Variants in TMEM132E observed in about 807,000 individuals in gnomAD.
TMEM132E encodes transmembrane protein 132E.
Under a neutral mutation model 78.5 loss-of-function variants are expected in TMEM132E, and 49 were observed. The observed-to-expected ratio is 0.62, with a 90% CI of 0.50 to 0.79. The LOEUF (loss-of-function observed/expected upper bound fraction) is 0.79. Among genes scored for constraint, TMEM132E ranks in the 30% least tolerant of loss-of-function variants. The probability of loss-of-function intolerance (pLI) is 0.00; values close to 1 mark genes in which losing one functional copy is unlikely to be tolerated. For missense variants in TMEM132E, 1,403 were observed against 1,470.9 expected (o/e 0.95, Z 0.75); for synonymous variants, 715 against 670.6 (o/e 1.07, Z -1.02).
At chr17:34,615,968 G>A (rs952272785) in intron 1 of TMEM132E, among the ~76,000 whole-genome samples, 3 of 152,164 alleles carry the variant, frequency 2.0e-5, no homozygotes, top group Non-Finnish European at 4.4e-5. Flanking sequence ...AGTGAAAAAG[G>A]GGCTATTCTC....
At chr17:34,616,720 G>C (rs1906791923) in intron 1 of TMEM132E, among the ~76,000 whole-genome samples, 1 of 152,112 alleles carries the variant, frequency 6.6e-6, no homozygotes, top group African/African-American at 2.4e-5. Flanking sequence ...ACAGGGCTGG[G>C]GATGGGGTGG....
intron 1 of TMEM132E, among the ~76,000 whole-genome samples, chr17:34,606,621 C>T (rs775534407): frequency 2.0e-5 from 3 of 152,170 alleles, no homozygotes; most frequent in African/African-American, 4.8e-5. Context: ...AGTCCCTGGA[C>T]GAGGGCTGTT....
intron 5 of TMEM132E, 37 bp from the exon 6 acceptor site, chr17:34,632,667 T>C (rs1053422150): frequency 1.2e-6 from 2 of 1,608,428 alleles, no homozygotes; most frequent in Admixed American, 1.7e-5. Flanking sequence ...GGAAGACCTG[T>C]AGGGAAGATG....
intron 1 of TMEM132E, among the ~76,000 whole-genome samples, chr17:34,624,688 G>A (rs1375870900): frequency 6.6e-6 from 1 of 152,146 alleles, no homozygotes; most frequent in African/African-American, 2.4e-5. Context: ...GGATTGGGAG[G>A]AGTCCTAGGA....
intron 8 of TMEM132E, 129 bp from the exon 9 acceptor site, chr17:34,637,048 T>C: frequency 1.3e-6 from 1 of 783,046 alleles, no homozygotes; most frequent in Non-Finnish European, 2.1e-6. Context: ...ACAGGCACAG[T>C]TCCAGTGCTG....
intron 1 of TMEM132E, among the ~76,000 whole-genome samples, chr17:34,594,048 C>G (rs1197805158): frequency 2.0e-5 from 3 of 152,212 alleles, no homozygotes; most frequent in South Asian, 2.1e-4. Context: ...TGGTCCCCCT[C>G]TATCTAAAGC....
chr17:34,623,208 T>C (rs1299256291), intron 1 of TMEM132E, among the ~76,000 whole-genome samples: 1 of 152,178 alleles, frequency 6.6e-6, no homozygotes, highest in African/African-American at 2.4e-5. Context: ...CAGTCACAAT[T>C]GTCCAATCCC....
intron 1 of TMEM132E, among the ~76,000 whole-genome samples, chr17:34,623,230 C>G (rs1907017566): frequency 6.6e-6 from 1 of 152,174 alleles, no homozygotes; most frequent in Non-Finnish European, 1.5e-5. Context: ...TCCTTCATGC[C>G]CCTCTGAGTC....
chr17:34,586,543 G>C lies in TMEM132E; in HGVS notation c.67+5400G>C, dbSNP rs553523446. Among the ~76,000 whole-genome samples, 296 of 152,010 alleles carry C rather than the reference G, an allele frequency of 1.9e-3. 1 individual carries two copies. The highest frequency in any genetic ancestry group is 6.4e-3 in the African/African-American group (267 of 41,442). On this transcript the variant is annotated intron_variant, in intron 1 of 8. Transcript: ENST00000631683. ...AGTGAGCCAATGTTGCAACAAGTGG[G>C]GGGGGACAAGCAAGCCATTAGAGTG... is the stretch of plus-strand genomic sequence containing the variant.
intron 1 of TMEM132E, among the ~76,000 whole-genome samples, chr17:34,605,212 G>A (rs1277691164): frequency 3.3e-5 from 5 of 152,152 alleles, no homozygotes; most frequent in South Asian, 2.1e-4. Context: ...ACTGTCGCAC[G>A]GGCTGTTGGG....
At chr17:34,628,744 G>A (rs776734726) in intron 3 of TMEM132E, 35 bp downstream of exon 3, 90 of 1,543,658 alleles carry the variant, frequency 5.8e-5, no homozygotes, top group Non-Finnish European at 6.6e-5. Flanking sequence ...CCACCTCTTC[G>A]CAAAGCAGCC....
intron 1 of TMEM132E, among the ~76,000 whole-genome samples, chr17:34,604,539 C>T (rs971310522): frequency 3.3e-5 from 5 of 152,150 alleles, no homozygotes; most frequent in African/African-American, 1.2e-4. Flanking sequence ...TGTGTCATCA[C>T]CTGCGTCTCA....
chr17:34,599,558 G>T (rs1264352513), intron 1 of TMEM132E, among the ~76,000 whole-genome samples: 1 of 152,224 alleles, frequency 6.6e-6, no homozygotes, highest in Non-Finnish European at 1.5e-5. Flanking sequence ...GAATTTGGTG[G>T]ATTCAGATGC....
intron 1 of TMEM132E, among the ~76,000 whole-genome samples, chr17:34,608,634 T>C (rs1390591717): frequency 6.6e-6 from 1 of 152,216 alleles, no homozygotes; most frequent in East Asian, 1.9e-4. Flanking sequence ...CAAAGAACTG[T>C]TGGGGATATG....
chr17:34,623,408 C>A lies in TMEM132E; in HGVS notation c.68-2719C>A, dbSNP rs944683520. On this transcript the variant is annotated intron_variant, in intron 1 of 8. Transcript: ENST00000631683. The stretch of plus-strand genomic sequence containing the variant: ...GGCAGGGCTAGTACCCGCTCCCCCC[C>A]CCCCCCCCGTCCCTCTACAGCCTGG... Among the ~76,000 whole-genome samples the A allele has an allele frequency of 1.3e-4, 20 of 150,602 alleles. 1 individual carries two copies. The highest frequency in any genetic ancestry group is 2.7e-4 in the African/African-American group (11 of 40,280).
chr17:34,620,375 C>T (rs1026995357), intron 1 of TMEM132E, among the ~76,000 whole-genome samples: 2 of 152,264 alleles, frequency 1.3e-5, no homozygotes, highest in African/African-American at 4.8e-5. Flanking sequence ...TATAGAGGCC[C>T]TGTCCTGGTG....
intron 1 of TMEM132E, 36 bp downstream of exon 1, chr17:34,581,179 G>C: frequency 6.7e-7 from 1 of 1,489,814 alleles, no homozygotes; most frequent in Non-Finnish European, 8.9e-7. Context: ...GTGAGGATGC[G>C]GCAGGCGCCA....
intron 1 of TMEM132E, among the ~76,000 whole-genome samples, chr17:34,584,641 G>A (rs1203763750): frequency 2.0e-5 from 3 of 152,186 alleles, no homozygotes; most frequent in Non-Finnish European, 2.9e-5. Context: ...TGGGGTAGGA[G>A]GACAACTCTG....
At chr17:34,619,773 T>A (rs1203064632) in intron 1 of TMEM132E, among the ~76,000 whole-genome samples, 1 of 152,238 alleles carries the variant, frequency 6.6e-6, no homozygotes, top group Non-Finnish European at 1.5e-5. Context: ...CCGTAGGCAT[T>A]GTTTGCTGTT....
Sources: allele counts gnomAD v4.1 joint callset (sites outside exome capture counted in the v4.1 genomes callset), GRCh38; gene constraint gnomAD v4.1.1; transcripts MANE v1.5; gene names NCBI Gene and HGNC (gene_info 2026-07-23, HGNC 2026-07-21).